The following SH3PXD2B variants were observed in gnomAD, a reference collection of about 807,000 sequenced individuals.
SH3PXD2B encodes the protein SH3 and PX domain-containing protein 2B.
Under a neutral mutation model 73.1 loss-of-function variants are expected in SH3PXD2B, and 37 were observed. The observed-to-expected ratio is 0.51, with a 90% confidence interval of 0.39 to 0.67. The LOEUF is 0.67. Among genes scored for constraint, SH3PXD2B ranks in the 30% least tolerant of loss-of-function variants. The pLI, the probability that SH3PXD2B is intolerant of heterozygous loss-of-function variation, is 0.00. For missense variants in SH3PXD2B, 1,053 were observed against 1,197.8 expected (o/e 0.88, Z 1.78); for synonymous variants, 457 against 480.5 (o/e 0.95, Z 0.64).
chr5:172,403,383 G>A (rs1422611666), intron 3 of SH3PXD2B, among the ~76,000 whole-genome samples: 2 of 152,166 alleles, frequency 1.3e-5, no homozygotes, highest in Non-Finnish European at 2.9e-5. Flanking sequence ...CCTAGGAGAG[G>A]GGGCGCTTCT....
intron 10 of SH3PXD2B, 111 bp downstream of exon 10, chr5:172,350,252 T>G (rs893052911): frequency 1.3e-5 from 13 of 1,025,268 alleles, no homozygotes; most frequent in Non-Finnish European, 1.9e-5. Context: ...ATCTGGAGGA[T>G]GGGGGAGCAG....
At chr5:172,404,691 G>A (rs539561801) in intron 3 of SH3PXD2B, among the ~76,000 whole-genome samples, 1 of 152,306 alleles carries the variant, frequency 6.6e-6, no homozygotes, top group South Asian at 2.1e-4. Flanking sequence ...ATCATAGTAA[G>A]TGCTTGATAG....
chr5:172,439,692 G>GCGCACACACACACACA (rs1554087696), intron 1 of SH3PXD2B, among the ~76,000 whole-genome samples: 46 of 138,622 alleles, frequency 3.3e-4, no homozygotes, highest in African/African-American at 1.2e-3. Flanking sequence ...GCACGCGCGC[G>GCGCACACACACACACA]CACACACACA....
intron 1 of SH3PXD2B, among the ~76,000 whole-genome samples, chr5:172,431,651 A>T (rs1461783478): frequency 6.6e-6 from 1 of 152,058 alleles, no homozygotes; most frequent in Non-Finnish European, 1.5e-5. Context: ...TCAACTGTAT[A>T]TAAATGCGTG....
chr5:172,404,712 C>T (rs1561925564), intron 3 of SH3PXD2B, among the ~76,000 whole-genome samples: 1 of 152,182 alleles, frequency 6.6e-6, no homozygotes, highest in African/African-American at 2.4e-5. Context: ...CTGTTAGTGA[C>T]CTGCCAGGCA....
At position 172,347,359 on chromosome 5, in the gene SH3PXD2B, T is replaced by C. The variant is rs17074690; in HGVS notation, c.1013-27A>G. On this transcript the variant is annotated intron_variant, in intron 10 of 12. Transcript: ENST00000311601. Reference sequence around the variant, plus strand: ...TATGGAGAAATGAGAGCTTATTACATCTTGTGCTACAGATGAGATTCCTGA... The same window carrying C: ...TATGGAGAAATGAGAGCTTATTACACCTTGTGCTACAGATGAGATTCCTGA... 0.036 allele frequency: 57,832 copies of C among 1,612,782 alleles called. 1,221 individuals are homozygous for C. The highest frequency in any genetic ancestry group is 0.066 in the Middle Eastern group (401 of 6,062).
At position 172,445,695 on chromosome 5, in the gene SH3PXD2B, CT is replaced by C. The variant is rs1759644829; in HGVS notation, c.75+8582del. Among the ~76,000 whole-genome samples, 1 of 152,222 alleles carries C rather than the reference CT, an allele frequency of 6.6e-6. No individual in the cohort carries two copies. The highest frequency in any genetic ancestry group is 1.5e-5 in the Non-Finnish European group (1 of 68,032). On this transcript the variant is annotated intron_variant, in intron 1 of 12. Transcript: ENST00000311601. This position sits in a 1 kb window ranked among gnomAD's most constrained non-coding sequence, Gnocchi z 5.2. ...TGAAACCGAAATTGAACTGGGCATT[CT>C]GCATTTTCATTTGCTAACTCTGGCC...
chr5:172,390,131 C>T (rs1251081781), intron 4 of SH3PXD2B, among the ~76,000 whole-genome samples: 1 of 152,202 alleles, frequency 6.6e-6, no homozygotes, highest in Non-Finnish European at 1.5e-5. Flanking sequence ...CAGCAATCAC[C>T]ACAATCTAGT....
chr5:172,444,611 A>G (rs1324104414), intron 1 of SH3PXD2B, among the ~76,000 whole-genome samples: 1 of 152,198 alleles, frequency 6.6e-6, no homozygotes, highest in Non-Finnish European at 1.5e-5. Context: ...ATTGCCCTGG[A>G]ATTTCAGGAT....
At chr5:172,388,256 A>G (rs1179067347) in intron 4 of SH3PXD2B, among the ~76,000 whole-genome samples, 2 of 152,244 alleles carry the variant, frequency 1.3e-5, no homozygotes, top group African/African-American at 4.8e-5. Context: ...GCTCTCATCT[A>G]TCTCTATTAG....
chr5:172,390,988 T>G (rs753087764), intron 4 of SH3PXD2B, among the ~76,000 whole-genome samples: 4 of 152,210 alleles, frequency 2.6e-5, no homozygotes, highest in Non-Finnish European at 5.9e-5. Context: ...ATTACAGGCA[T>G]GCGCCACCTC....
chr5:172,454,507 T>G lies in SH3PXD2B; in HGVS notation c.-155A>C. On this transcript the variant is annotated 5_prime_UTR_variant, in exon 1 of 13. Transcript: ENST00000311601. ...GCCGCCGCCGCCACCGCCGCCGCCC[T>G]TCGCTCGGCGCGCACTCCAGCCGGG... The G allele has an allele frequency of 5.3e-6, 1 of 187,036 alleles. No individual in the cohort carries two copies. Among genetic ancestry groups the G allele is most frequent in the Non-Finnish European group, 9.6e-6 (1 of 104,446 alleles). The allele number at this position is 187,036 out of a possible 1,614,324, so 11.6% of individuals were successfully genotyped here.
intron 4 of SH3PXD2B, among the ~76,000 whole-genome samples, chr5:172,384,785 A>G (rs1030477369): frequency 3.3e-5 from 5 of 152,144 alleles, no homozygotes; most frequent in African/African-American, 1.2e-4. Flanking sequence ...CCAACCCTAC[A>G]TTACTTTGAA....
At chr5:172,452,255 A>C (rs1759812885) in intron 1 of SH3PXD2B, among the ~76,000 whole-genome samples, 2 of 152,214 alleles carry the variant, frequency 1.3e-5, no homozygotes, top group Admixed American at 6.5e-5. Flanking sequence ...TTTAACATAG[A>C]AACTTGTCTC....
intron 1 of SH3PXD2B, among the ~76,000 whole-genome samples, chr5:172,429,080 T>C (rs1759169239): frequency 6.6e-6 from 1 of 152,204 alleles, no homozygotes; most frequent in Admixed American, 6.5e-5. Context: ...ACCTGGCCTG[T>C]CTTGTTAATG....
At chr5:172,434,828 G>C (rs1022189705) in intron 1 of SH3PXD2B, among the ~76,000 whole-genome samples, 2 of 148,296 alleles carry the variant, frequency 1.3e-5, no homozygotes, top group Non-Finnish European at 2.9e-5. Flanking sequence ...CTCTTGCCCA[G>C]GATGGAGTGC....
At chr5:172,442,455 T>C (rs1759570093) in intron 1 of SH3PXD2B, among the ~76,000 whole-genome samples, 1 of 152,216 alleles carries the variant, frequency 6.6e-6, no homozygotes, top group East Asian at 1.9e-4. Context: ...TTATAGTTCA[T>C]TGTAAGGCTA....
chr5:172,334,992 A>G lies in SH3PXD2B; in HGVS notation c.*3377T>C, dbSNP rs1468138935. ...GCATGGGCTCCAGCGATCCCCCAGT[A>G]GGGAAGGGCCATTAAAAGCGGTTTA... On this transcript the variant is annotated 3_prime_UTR_variant, in exon 13 of 13. Transcript: ENST00000311601. 5.1e-6 allele frequency: 5 copies of G among 985,342 alleles called. No individual in the cohort carries two copies. In the African/African-American group the frequency reaches 8.7e-5, roughly 17 times the overall value. The allele number at this position is 985,342 out of a possible 1,614,324, so 61.0% of individuals were successfully genotyped here. A position where few individuals can be genotyped will look rare whatever the true frequency, so the allele number is the denominator to read the frequency against.
chr5:172,382,683 A>G (rs1757976215), intron 4 of SH3PXD2B, among the ~76,000 whole-genome samples: 1 of 152,156 alleles, frequency 6.6e-6, no homozygotes, highest in African/African-American at 2.4e-5. Flanking sequence ...TAGTAAACCT[A>G]TGCTTTCACT....
Sources: allele counts gnomAD v4.1 joint callset (sites outside exome capture counted in the v4.1 genomes callset), GRCh38; gene constraint gnomAD v4.1.1; non-coding constraint Gnocchi (gnomAD v3.1); transcripts MANE v1.5; gene names NCBI Gene and HGNC (gene_info 2026-07-23, HGNC 2026-07-21).